Variants in USP3 observed in about 807,000 individuals in gnomAD.
USP3 encodes the protein ubiquitin carboxyl-terminal hydrolase 3.
In USP3, 20 loss-of-function variants were observed where a neutral mutation model predicts 72.3. The observed-to-expected ratio is 0.28, with a 90% CI of 0.19 to 0.40. USP3 has a LOEUF of 0.40. Among genes scored for constraint, USP3 ranks in the 10% least tolerant of loss-of-function variants. The probability of loss-of-function intolerance (pLI) is 1.00; values close to 1 mark genes in which losing one functional copy is unlikely to be tolerated. For synonymous variants in USP3, 222 were observed against 225.3 expected, an observed-to-expected ratio of 0.99 and a Z score of 0.13; for missense variants, 479 against 633.9, an observed-to-expected ratio of 0.76 and a Z score of 2.62.
chr15:63,560,048 A>C (rs1436361460), intron 7 of USP3, 78 bp downstream of exon 7: 3 of 1,248,658 alleles, frequency 2.4e-6, no homozygotes, highest in East Asian at 5.3e-5. Flanking sequence ...CATTGTACTA[A>C]GTGAGCTAAC....
At chr15:63,539,693 T>G (rs1271307475) in intron 3 of USP3, among the ~76,000 whole-genome samples, 1 of 152,216 alleles carries the variant, frequency 6.6e-6, no homozygotes, top group African/African-American at 2.4e-5. Flanking sequence ...CTTGGCCGAT[T>G]GCCAGGCTTT....
chr15:63,559,845 C>T lies in USP3; in HGVS notation c.534-12C>T, dbSNP rs751588219. The T allele has an allele frequency of 3.7e-6, 6 of 1,602,812 alleles. No homozygotes were observed. In the South Asian group the frequency reaches 6.7e-5, roughly 18 times the overall value. ...TTCTTTTTAAAATATTTTTCCCTTC[C>T]TTTTAAAATAGTAACATTGAGCAGT... On this transcript the variant is annotated splice_polypyrimidine_tract_variant and intron_variant, in intron 6 of 14. Coordinates refer to ENST00000380324, the MANE Select transcript of USP3 (RefSeq NM_006537.4).
chr15:63,576,798 C>T (rs1595765737), intron 11 of USP3, among the ~76,000 whole-genome samples: 1 of 152,314 alleles, frequency 6.6e-6, no homozygotes, highest in East Asian at 1.9e-4. Flanking sequence ...TTTAAAAAGT[C>T]GATGACAGGG....
At chr15:63,538,524 G>A (rs983088865) in intron 3 of USP3, among the ~76,000 whole-genome samples, 4 of 151,784 alleles carry the variant, frequency 2.6e-5, no homozygotes, top group Non-Finnish European at 4.4e-5. Context: ...AAGAAGAAAG[G>A]GTCAGTGGTT....
chr15:63,518,786 G>A (rs62011300), intron 1 of USP3, among the ~76,000 whole-genome samples: 4 of 150,528 alleles, frequency 2.7e-5, no homozygotes, highest in South Asian at 2.1e-4. Context: ...TTTTTTTTGG[G>A]ACGGAGTCTT....
At chr15:63,506,482 A>G (rs968846576) in intron 1 of USP3, among the ~76,000 whole-genome samples, 5 of 152,248 alleles carry the variant, frequency 3.3e-5, no homozygotes, top group African/African-American at 1.2e-4. Context: ...GACAATTAGC[A>G]CACTTCTGGC....
At chr15:63,576,715 T>G (rs182404451) in intron 11 of USP3, among the ~76,000 whole-genome samples, 1 of 152,334 alleles carries the variant, frequency 6.6e-6, no homozygotes, top group African/African-American at 2.4e-5. Context: ...GCTGGAAACA[T>G]GTTTCCTGTA....
chr15:63,520,554 ATTTTTTTTTTT>A (rs35244583), intron 1 of USP3, among the ~76,000 whole-genome samples: 3 of 105,422 alleles, frequency 2.8e-5, no homozygotes, highest in East Asian at 3.0e-4. Flanking sequence ...TCTGTTTTAG[ATTTTTTTTTTT>A]TTTTTTTTTT....
rs551974931 is a variant in USP3 at position 63,507,146 on chromosome 15, C to G, written c.91+2316C>G. The stretch of plus-strand genomic sequence containing the variant: ...ACCAAAAGGGTAGCCGATGTGTTGA[C>G]TAATACTGTGACTGGGTATTGAATC... On this transcript the variant is annotated intron_variant, in intron 1 of 14. Transcript: ENST00000380324. Among the ~76,000 whole-genome samples, 10 of 152,014 alleles carry G rather than the reference C, an allele frequency of 6.6e-5. No individual in the cohort carries two copies. The South Asian group carries it at 2.1e-3, about 32-fold the overall frequency.
intron 8 of USP3, among the ~76,000 whole-genome samples, chr15:63,565,668 G>C (rs1306124319): frequency 6.6e-6 from 1 of 152,036 alleles, no homozygotes; most frequent in Non-Finnish European, 1.5e-5. Context: ...TAATGTAATT[G>C]GTGATGTATC....
At position 63,519,732 on chromosome 15, in the gene USP3, A is replaced by G. The variant is rs570896192; in HGVS notation, c.92-12915A>G. On this transcript the variant is annotated intron_variant, in intron 1 of 14. Coordinates refer to ENST00000380324, the MANE Select transcript of USP3 (RefSeq NM_006537.4). ...ATGATTCTTGCCTGAATCAGTTATT[A>G]GTAGGATGATTGCAAGGTGATGATT... 3.2e-4 allele frequency among the ~76,000 whole-genome samples: 48 copies of G among 152,340 alleles called. No homozygotes were observed. The East Asian group carries it at 8.7e-3, about 28-fold the overall frequency.
At chr15:63,534,154 T>C (rs1349493256) in intron 2 of USP3, among the ~76,000 whole-genome samples, 1 of 152,176 alleles carries the variant, frequency 6.6e-6, no homozygotes, top group Non-Finnish European at 1.5e-5. Flanking sequence ...ATTTAGAAAT[T>C]TGACATAGTT....
At chr15:63,531,666 G>A (rs2066077815) in intron 1 of USP3, among the ~76,000 whole-genome samples, 1 of 152,128 alleles carries the variant, frequency 6.6e-6, no homozygotes, top group African/African-American at 2.4e-5. Context: ...GATCTTGGAA[G>A]AGATGGGTAT....
At chr15:63,587,455 TG>T (rs1186100664) in intron 11 of USP3, among the ~76,000 whole-genome samples, 1 of 152,242 alleles carries the variant, frequency 6.6e-6, no homozygotes, top group Non-Finnish European at 1.5e-5. Flanking sequence ...TCTTGGAAAC[TG>T]CAAGTTTAAA....
At chr15:63,508,333 C>T (rs568202848) in intron 1 of USP3, among the ~76,000 whole-genome samples, 1 of 151,480 alleles carries the variant, frequency 6.6e-6, no homozygotes, top group Non-Finnish European at 1.5e-5. Flanking sequence ...TCTGTAGAGA[C>T]CTGAGGTTTT....
At position 63,544,044 on chromosome 15, in the gene USP3, T is replaced by TAA. The variant is rs201842716; in HGVS notation, c.284+6902_284+6903dup. 1.8e-4 allele frequency among the ~76,000 whole-genome samples: 24 copies of TAA among 134,164 alleles called. No individual in the cohort carries two copies. The highest frequency in any genetic ancestry group is 5.5e-4 in the African/African-American group (20 of 36,652). 88.0% of individuals were successfully genotyped at this position (134,164 alleles called of 152,430 possible). ...GGGCAACACAGGGAGACACTGTCTT[T>TAA]AAAAAAAAAAAAAAAGGAAATTAGT... On this transcript the variant is annotated intron_variant, in intron 3 of 14. Transcript: ENST00000380324. The surrounding 1 kb of genome is among the most constrained non-coding windows in gnomAD (Gnocchi z 4.2).
At chr15:63,575,836 T>C (rs889432709) in intron 11 of USP3, among the ~76,000 whole-genome samples, 1 of 152,190 alleles carries the variant, frequency 6.6e-6, no homozygotes, top group Admixed American at 6.5e-5. Context: ...AATATCTGGT[T>C]ATTTACAGTG....
At chr15:63,584,497 G>A (rs942610390) in intron 11 of USP3, among the ~76,000 whole-genome samples, 10 of 152,196 alleles carry the variant, frequency 6.6e-5, no homozygotes, top group African/African-American at 2.4e-4. Flanking sequence ...CTGTGAAGTA[G>A]TATCTCACTA....
chr15:63,538,615 C>A (rs1222661399), intron 3 of USP3, among the ~76,000 whole-genome samples: 3 of 151,048 alleles, frequency 2.0e-5, no homozygotes, highest in Non-Finnish European at 4.4e-5. Context: ...GGCCGATCTC[C>A]GCTCACTGCA....
Sources: allele counts gnomAD v4.1 joint callset (sites outside exome capture counted in the v4.1 genomes callset), GRCh38; gene constraint gnomAD v4.1.1; non-coding constraint Gnocchi (gnomAD v3.1); transcripts MANE v1.5; gene names NCBI Gene and HGNC (gene_info 2026-07-23, HGNC 2026-07-21).